PBX1: variants seen among roughly 807,000 people sequenced by gnomAD.
The protein encoded by PBX1 is pre-B-cell leukemia transcription factor 1.
Under a neutral mutation model 53.4 loss-of-function variants are expected in PBX1, and 6 were observed. The observed-to-expected ratio is 0.11, with a 90% confidence interval of 0.06 to 0.22. The LOEUF (loss-of-function observed/expected upper bound fraction) is 0.22, where lower values mean the gene tolerates loss of function less well. Among genes scored for constraint, PBX1 ranks in the 10% least tolerant of loss-of-function variants. The pLI is 1.00. For synonymous variants in PBX1, 204 were observed against 212.3 expected, an observed-to-expected ratio of 0.96 and a Z score of 0.34; for missense variants, 251 against 551.4, an observed-to-expected ratio of 0.46 and a Z score of 5.46.
intron 2 of PBX1, among the ~76,000 whole-genome samples, chr1:164,705,277 T>C (rs1223589313): frequency 6.6e-6 from 1 of 152,246 alleles, no homozygotes; most frequent in African/African-American, 2.4e-5. Context: ...TATTATAATA[T>C]GTCTGGGGAA....
chr1:164,852,454 G>A (rs544934429), downstream of PBX1, among the ~76,000 whole-genome samples: 1 of 152,266 alleles, frequency 6.6e-6, no homozygotes, highest in South Asian at 2.1e-4. Context: ...TATCCCCAGT[G>A]TTCTAGCTGG....
intron 2 of PBX1, among the ~76,000 whole-genome samples, chr1:164,720,867 G>C (rs1412020481): frequency 6.6e-6 from 1 of 152,192 alleles, no homozygotes; most frequent in Non-Finnish European, 1.5e-5. Flanking sequence ...GGCTTCCTCT[G>C]TACTGGAACT....
intron 2 of PBX1, among the ~76,000 whole-genome samples, chr1:164,709,058 A>AG (rs1426683387): frequency 6.6e-6 from 1 of 152,166 alleles, no homozygotes; most frequent in Non-Finnish European, 1.5e-5. Context: ...GTGGTGCCAT[A>AG]GATACTCTGA....
At chr1:164,739,807 T>C (rs1665508746) in intron 2 of PBX1, among the ~76,000 whole-genome samples, 2 of 151,578 alleles carry the variant, frequency 1.3e-5, no homozygotes, top group South Asian at 4.2e-4. Flanking sequence ...ATTATCTCCT[T>C]ACACATTAGT....
Position 164,847,535 on chromosome 1 carries a change from G to A in PBX1, c.*859G>A. 1 of 1,062,530 alleles carries A rather than the reference G, an allele frequency of 9.4e-7. No homozygotes were observed. The highest frequency in any genetic ancestry group is 1.1e-6 in the Non-Finnish European group (1 of 877,612). The allele number at this position is 1,062,530 out of a possible 1,614,324, so 65.8% of individuals were successfully genotyped here. ...TAGAACCTATTGCAAAACTGGGCCT[G>A]AGTTAGGCATGGTGATGAATGCATC... On this transcript the variant is annotated 3_prime_UTR_variant, in exon 9 of 9. Transcript: ENST00000420696.
chr1:164,570,476 G>A (rs1255720803), intron 2 of PBX1, among the ~76,000 whole-genome samples: 2 of 152,062 alleles, frequency 1.3e-5, no homozygotes, highest in African/African-American at 2.4e-5. Flanking sequence ...TTCTGTTCCT[G>A]TGTTAATTTG....
chr1:164,737,881 C>G (rs1665384192), intron 2 of PBX1, among the ~76,000 whole-genome samples: 1 of 152,206 alleles, frequency 6.6e-6, no homozygotes, highest in South Asian at 2.1e-4. Context: ...CCTTTACAGT[C>G]AACCTTCCCC....
intron 2 of PBX1, among the ~76,000 whole-genome samples, chr1:164,765,481 A>AG (rs1273765226): frequency 6.6e-6 from 1 of 152,236 alleles, no homozygotes; most frequent in East Asian, 1.9e-4. Flanking sequence ...GCCAGATTTA[A>AG]GGCAGGAAAA....
In PBX1 at chr1:164,870,337, CTTTCTTTCTTTCTTT is replaced by C. The variant is rs1558053840; in HGVS notation, n.258-28850_258-28836del. Among the ~76,000 whole-genome samples, 49 of 106,252 alleles carry C rather than the reference CTTTCTTTCTTTCTTT, an allele frequency of 4.6e-4. 1 individual carries two copies. The highest frequency in any genetic ancestry group is 1.8e-3 in the African/African-American group (45 of 24,666). The allele number at this position is 106,252 out of a possible 152,430, so 69.7% of individuals were successfully genotyped here. ...TCTTTCTTTCTTTCTTTCTTTCTTT[CTTTCTTTCTTTCTTT>C]CTTTCTTTCGAGATGAAGTCTTGCT... is the stretch of plus-strand genomic sequence containing the variant. On this transcript the variant is annotated intron_variant and non_coding_transcript_variant, in intron 2 of 2. Coordinates refer to the PBX1 transcript ENST00000558796.
intron 2 of PBX1, among the ~76,000 whole-genome samples, chr1:164,761,447 A>C (rs1000383808): frequency 2.0e-5 from 3 of 151,710 alleles, no homozygotes; most frequent in Non-Finnish European, 2.9e-5. Context: ...TTGGGACATT[A>C]TTCTTTTTTT....
intron 2 of PBX1, among the ~76,000 whole-genome samples, chr1:164,589,664 C>T (rs1319410626): frequency 6.6e-6 from 1 of 152,138 alleles, no homozygotes; most frequent in African/African-American, 2.4e-5. Flanking sequence ...CATCCTTCTC[C>T]ATCCCTGCGA....
Position 164,792,615 on chromosome 1 carries a change from G to T in PBX1, c.387G>T (p.Ala129=). ...AGAAGGGCGGAGGGTCGGCGGCAGC[G>T]GCGGCAGCGGCGGCGGCTTCTGGAG... The part of the protein sequence containing the change: ...GPEKGGGSAA[A]AAAAAASGGA... Residue 129 remains alanine (A), a synonymous_variant, in exon 3 of 9, where the codon GCG becomes GCT. Coordinates refer to ENST00000420696, the MANE Select transcript of PBX1 (RefSeq NM_002585.4). 6.2e-7 allele frequency: 1 copy of T among 1,613,496 alleles called. No individual in the cohort carries two copies. Among genetic ancestry groups the T allele is most frequent in the African/African-American group, 1.3e-5 (1 of 75,024 alleles).
At chr1:164,724,670 ATTTTTTTT>A (rs59042806) in intron 2 of PBX1, among the ~76,000 whole-genome samples, 230 of 48,014 alleles carry the variant, frequency 4.8e-3, no homozygotes, top group African/African-American at 0.015. Flanking sequence ...ATAGCTGCAG[ATTTTTTTT>A]TTTTTTTTTT....
At chr1:164,660,033 C>T (rs996694182) in intron 2 of PBX1, among the ~76,000 whole-genome samples, 1 of 152,104 alleles carries the variant, frequency 6.6e-6, no homozygotes, top group Non-Finnish European at 1.5e-5. Context: ...TAGTTTGCAA[C>T]CAAAAACCTT....
intron 2 of PBX1, among the ~76,000 whole-genome samples, chr1:164,600,168 T>TA (rs975587479): frequency 1.3e-5 from 2 of 151,026 alleles, no homozygotes; most frequent in African/African-American, 2.4e-5. Flanking sequence ...AGGACTGTGT[T>TA]AAAAAATCCA....
In PBX1 at chr1:164,849,625, GC is replaced by G; in HGVS notation, c.*2952del. On this transcript the variant is annotated 3_prime_UTR_variant, in exon 9 of 9. Coordinates refer to ENST00000420696, the MANE Select transcript of PBX1 (RefSeq NM_002585.4). ...AGAAACGATACTAGACCCTGGGTTT[GC>G]CCACCTTGTAACTCTTCCTTATCTC... The G allele has an allele frequency of 1.7e-6, 1 of 575,330 alleles. No individual in the cohort carries two copies. The highest frequency in any genetic ancestry group is 2.9e-6 in the Non-Finnish European group (1 of 346,082). The allele number at this position is 575,330 out of a possible 1,614,324, so 35.6% of individuals were successfully genotyped here. A position where few individuals can be genotyped will look rare whatever the true frequency, so the allele number is the denominator to read the frequency against.
At chr1:164,792,808 G>A (rs1668587034) in intron 3 of PBX1, 70 bp downstream of exon 3, 3 of 1,210,158 alleles carry the variant, frequency 2.5e-6, no homozygotes, top group South Asian at 1.5e-5. Context: ...CAACCCCGGG[G>A]CTTGCAGAGA....
chr1:164,847,671 T>C lies in PBX1; in HGVS notation c.*995T>C. ...CATGTACCATCTCACATCTTCACTT[T>C]CCCGAGATGCCATATACAATTACCT... On this transcript the variant is annotated 3_prime_UTR_variant, in exon 9 of 9. Coordinates refer to ENST00000420696, the MANE Select transcript of PBX1 (RefSeq NM_002585.4). 1 of 1,058,516 alleles carries C rather than the reference T, an allele frequency of 9.4e-7. No homozygotes were observed. The highest frequency in any genetic ancestry group is 1.6e-5 in the African/African-American group (1 of 60,786). The allele number at this position is 1,058,516 out of a possible 1,614,324, so 65.6% of individuals were successfully genotyped here.
intron 2 of PBX1, among the ~76,000 whole-genome samples, chr1:164,650,528 C>T (rs890317208): frequency 6.6e-6 from 1 of 152,072 alleles, no homozygotes; most frequent in African/African-American, 2.4e-5. Flanking sequence ...GCCTAACTAT[C>T]GTTGCTACTT....
Sources: allele counts gnomAD v4.1 joint callset (sites outside exome capture counted in the v4.1 genomes callset), GRCh38; gene constraint gnomAD v4.1.1; transcripts MANE v1.5; gene names NCBI Gene and HGNC (gene_info 2026-07-23, HGNC 2026-07-21).